Variants in FAT4 observed in about 807,000 individuals in gnomAD.
FAT4 encodes protocadherin Fat 4.
Under a neutral mutation model 303.9 loss-of-function variants are expected in FAT4, and 84 were observed. That is an observed-to-expected ratio of 0.28 (90% CI 0.23 to 0.33). FAT4 has a LOEUF of 0.33. Among genes scored for constraint, FAT4 ranks in the 10% least tolerant of loss-of-function variants. The pLI is 1.00. For synonymous variants in FAT4, 2,307 were observed against 2,298.8 expected (o/e 1.00, Z -0.10); for missense variants, 6,005 against 6,146.8 (o/e 0.98, Z 0.77).
rs558057139 is a variant in FAT4 at position 125,346,414 on chromosome 4, CT to C, written c.5175+24837del. ...GCAGATTAAAACTTTTATGGCTATA[CT>C]TTTTTTTTGACAAACCAATGAGCAC... On this transcript the variant is annotated intron_variant, in intron 2 of 17. Coordinates refer to ENST00000394329, the MANE Select transcript of FAT4 (RefSeq NM_001291303.3). Among the ~76,000 whole-genome samples, 1,338 of 151,008 alleles carry C rather than the reference CT, an allele frequency of 8.9e-3. 22 individuals carry two copies. The highest frequency in any genetic ancestry group is 0.031 in the African/African-American group (1,280 of 41,284).
intron 2 of FAT4, among the ~76,000 whole-genome samples, chr4:125,366,082 T>A (rs945930705): frequency 6.6e-6 from 1 of 152,190 alleles, no homozygotes; most frequent in African/African-American, 2.4e-5. Context: ...CACCCTGCTC[T>A]GTGGAACAAT....
At chr4:125,329,980 A>G (rs1347214702) in intron 2 of FAT4, among the ~76,000 whole-genome samples, 1 of 152,182 alleles carries the variant, frequency 6.6e-6, no homozygotes, top group East Asian at 1.9e-4. Flanking sequence ...CACTGTTAGT[A>G]ACTTGGTCTA....
chr4:125,363,122 T>C (rs1166830419), intron 2 of FAT4, among the ~76,000 whole-genome samples: 1 of 152,178 alleles, frequency 6.6e-6, no homozygotes, highest in Non-Finnish European at 1.5e-5. Context: ...TTCACAACAA[T>C]AAAAATTGTA....
chr4:125,484,257 GA>G (rs772030646), intron 16 of FAT4, among the ~76,000 whole-genome samples: 4 of 151,878 alleles, frequency 2.6e-5, no homozygotes, highest in Non-Finnish European at 4.4e-5. Context: ...GGTCTATTCA[GA>G]AAAAGAAAAA....
intron 12 of FAT4, among the ~76,000 whole-genome samples, chr4:125,471,789 C>T (rs965125838): frequency 1.3e-5 from 2 of 148,664 alleles, no homozygotes; most frequent in Admixed American, 6.9e-5. Flanking sequence ...GGGTGGCTCA[C>T]GCCTGTAATC....
In FAT4 at chr4:125,449,359, T is replaced by C; in HGVS notation, c.8349T>C (p.Val2783=). Residue 2783 remains valine (V), a synonymous_variant, in exon 10 of 18, where the codon GTT becomes GTC. Coordinates refer to ENST00000394329, the MANE Select transcript of FAT4 (RefSeq NM_001291303.3). The part of the protein sequence containing the change: ...PRFSQIFSAH[V]PENSPLGYTV... ...TTTCTCAGATATTTAGTGCCCATGT[T>C]CCTGAAAATTCCCCCTTAGGATACA... is the stretch of plus-strand genomic sequence containing the variant. The C allele has an allele frequency of 2.5e-6, 4 of 1,613,830 alleles. No homozygotes were observed. Among genetic ancestry groups the C allele is most frequent in the Non-Finnish European group, 3.4e-6 (4 of 1,179,866 alleles).
chr4:125,434,271 A>G lies in FAT4; in HGVS notation c.7045A>G (p.Thr2349Ala). The G allele has an allele frequency of 1.2e-6, 2 of 1,613,780 alleles. No homozygotes were observed. The highest frequency in any genetic ancestry group is 2.7e-5 in the African/African-American group (2 of 75,040). Residue 2349 changes from threonine to alanine, a missense_variant, in exon 8 of 18, where the codon ACA (threonine) becomes GCA (alanine). Thr to Ala is a moderately conservative substitution (Grantham distance 58). Coordinates refer to ENST00000394329, the MANE Select transcript of FAT4 (RefSeq NM_001291303.3). ...ATCCCCTGCCTTGACTGGAACTGGA[A>G]CAATCAACGTCATAGTAGATGATGT... ...SGSPALTGTG[T>A]INVIVDDVND...
chr4:125,478,581 G>C (rs1727113919), intron 14 of FAT4, among the ~76,000 whole-genome samples: 1 of 152,046 alleles, frequency 6.6e-6, no homozygotes, highest in South Asian at 2.1e-4. Context: ...GCCCAGGCTG[G>C]AGTGCAATGG....
chr4:125,381,898 C>G (rs1733556834), intron 2 of FAT4, among the ~76,000 whole-genome samples: 1 of 152,194 alleles, frequency 6.6e-6, no homozygotes. Context: ...ACGGTATTTA[C>G]AGCATCTTCA....
chr4:125,449,773 G>T lies in FAT4; in HGVS notation c.8763G>T (p.Arg2921Ser). The change falls in exon 10 of 18, where the codon AGG (arginine) becomes AGT (serine). Residue 2921 changes from arginine (R) to serine (S), a missense_variant. Physicochemically the swap from Arg to Ser is moderately radical, Grantham distance 110 (BLOSUM62 -1). Transcript: ENST00000394329. ...YFIKSQSEYFRINATTGEIFN... is the reference protein window; with the variant it reads ...YFIKSQSEYFSINATTGEIFN... ...TAAAATCCCAATCAGAATATTTCAGGATTAATGCCACCACTGGAGAGATTT... is the reference window on the plus strand; with the variant it reads ...TAAAATCCCAATCAGAATATTTCAGTATTAATGCCACCACTGGAGAGATTT... 1 of 1,613,684 alleles carries T rather than the reference G, an allele frequency of 6.2e-7. No individual in the cohort carries two copies. Among genetic ancestry groups the T allele is most frequent in the Non-Finnish European group, 8.5e-7 (1 of 1,179,874 alleles).
intron 2 of FAT4, among the ~76,000 whole-genome samples, chr4:125,327,350 C>A (rs979698532): frequency 4.6e-5 from 7 of 152,124 alleles, no homozygotes; most frequent in African/African-American, 1.7e-4. Flanking sequence ...GGTGATAAAT[C>A]ATCTTCTTTG....
intron 7 of FAT4, among the ~76,000 whole-genome samples, chr4:125,423,779 C>T (rs1187986010): frequency 6.6e-6 from 1 of 152,142 alleles, no homozygotes; most frequent in Non-Finnish European, 1.5e-5. Context: ...CAGAGCTGCC[C>T]AAGACCATGG....
chr4:125,323,709 G>A (rs192617464), intron 2 of FAT4, among the ~76,000 whole-genome samples: 1 of 152,296 alleles, frequency 6.6e-6, no homozygotes, highest in East Asian at 1.9e-4. Context: ...ACAATAAAGT[G>A]CTGTTTTCCT....
At chr4:125,385,527 T>C (rs1733714468) in intron 2 of FAT4, among the ~76,000 whole-genome samples, 1 of 152,214 alleles carries the variant, frequency 6.6e-6, no homozygotes. Context: ...ATACCTTTAT[T>C]TGAAAACTAA....
chr4:125,427,127 T>TA (rs1725111735), intron 7 of FAT4, among the ~76,000 whole-genome samples: 3 of 151,976 alleles, frequency 2.0e-5, no homozygotes, highest in Admixed American at 6.5e-5. Context: ...CTCCAAATAG[T>TA]AATTCCTCAT....
intron 2 of FAT4, among the ~76,000 whole-genome samples, chr4:125,383,591 G>A (rs1733620037): frequency 6.6e-6 from 1 of 152,170 alleles, no homozygotes; most frequent in African/African-American, 2.4e-5. Flanking sequence ...GGGAGCACAT[G>A]CTACTGGAAA....
chr4:125,482,439 T>G (rs1727261910), intron 16 of FAT4, among the ~76,000 whole-genome samples: 1 of 152,136 alleles, frequency 6.6e-6, no homozygotes, highest in African/African-American at 2.4e-5. Context: ...GATATCCATT[T>G]TTGCATCGGC....
chr4:125,369,990 G>A (rs1405917175), intron 2 of FAT4, among the ~76,000 whole-genome samples: 1 of 151,700 alleles, frequency 6.6e-6, no homozygotes, highest in East Asian at 1.9e-4. Context: ...TCCATTGTAT[G>A]TATATACTAC....
intron 11 of FAT4, among the ~76,000 whole-genome samples, chr4:125,465,216 T>C (rs965044236): frequency 6.6e-6 from 1 of 152,184 alleles, no homozygotes; most frequent in Non-Finnish European, 1.5e-5. Context: ...CAGTCCAGTA[T>C]GACATTCACA....
Sources: allele counts gnomAD v4.1 joint callset (sites outside exome capture counted in the v4.1 genomes callset), GRCh38; gene constraint gnomAD v4.1.1; transcripts MANE v1.5; gene names NCBI Gene and HGNC (gene_info 2026-07-23, HGNC 2026-07-21).